NTRK2: variants seen among roughly 807,000 people sequenced by gnomAD.
NTRK2 encodes the protein neurotrophic receptor tyrosine kinase 2.
NTRK2 carries 13 observed loss-of-function variants against 94.5 expected under a neutral mutation model. The observed-to-expected ratio is 0.14, with a 90% CI of 0.09 to 0.22. The LOEUF is 0.22. Ranked by LOEUF, NTRK2 falls within the 10% of genes least tolerant of loss-of-function variation. NTRK2 has a pLI of 1.00. For missense variants in NTRK2, 639 were observed against 1,071.2 expected (o/e 0.60, Z 5.63); for synonymous variants, 372 against 407.4 (o/e 0.91, Z 1.05).
chr9:84,670,082 C>G (rs1195362198), intron 1 of NTRK2, among the ~76,000 whole-genome samples, 194 bp downstream of exon 1: 1 of 152,066 alleles, frequency 6.6e-6, no homozygotes, highest in Non-Finnish European at 1.5e-5. Context: ...CTCCGCATTC[C>G]CCTTTAAAGG....
chr9:84,840,057 A>T (rs1432489486), intron 12 of NTRK2, among the ~76,000 whole-genome samples: 4 of 151,810 alleles, frequency 2.6e-5, no homozygotes, highest in Non-Finnish European at 5.9e-5. Context: ...TTTCTTAAAA[A>T]TTTAGAAATA....
chr9:84,782,052 A>ACG, intron 12 of NTRK2, among the ~76,000 whole-genome samples: 1 of 151,684 alleles, frequency 6.6e-6, no homozygotes, highest in Non-Finnish European at 1.5e-5. Context: ...ACACACACAC[A>ACG]CACACACACA....
At chr9:84,812,944 G>T (rs202153134) in intron 12 of NTRK2, 1 of 1,032,492 alleles carries the variant, frequency 9.7e-7, no homozygotes, top group Non-Finnish European at 1.2e-6. Flanking sequence ...TATAGTTCTC[G>T]TGTTCTTTTC....
chr9:84,822,302 C>T (rs1248378531), intron 12 of NTRK2, among the ~76,000 whole-genome samples: 1 of 152,124 alleles, frequency 6.6e-6, no homozygotes, highest in Non-Finnish European at 1.5e-5. Context: ...TTTCTTACTT[C>T]TATACTCAAT....
chr9:84,925,518 C>T (rs1218132999), intron 14 of NTRK2, among the ~76,000 whole-genome samples: 1 of 152,254 alleles, frequency 6.6e-6, no homozygotes, highest in East Asian at 1.9e-4. Context: ...ATCTTGTTTT[C>T]TGTCTTTCCC....
At chr9:84,718,600 G>A (rs1042247587) in intron 6 of NTRK2, among the ~76,000 whole-genome samples, 4 of 152,156 alleles carry the variant, frequency 2.6e-5, no homozygotes, top group East Asian at 1.9e-4. Flanking sequence ...GGTCATCTCC[G>A]ATCTCCAGCG....
intron 2 of NTRK2, among the ~76,000 whole-genome samples, chr9:84,683,849 C>G (rs983781506): frequency 1.3e-5 from 2 of 152,194 alleles, no homozygotes; most frequent in African/African-American, 4.8e-5. Flanking sequence ...TTGCCAGCAT[C>G]TATTGCTTCC....
chr9:84,983,599 C>A (rs1356380235), intron 17 of NTRK2, among the ~76,000 whole-genome samples: 1 of 152,156 alleles, frequency 6.6e-6, no homozygotes, highest in African/African-American at 2.4e-5. Context: ...AATTCTAAAT[C>A]TGGGATAGTG....
intron 12 of NTRK2, among the ~76,000 whole-genome samples, chr9:84,761,303 G>A (rs371929021): frequency 2.8e-4 from 43 of 152,268 alleles, no homozygotes; most frequent in African/African-American, 8.2e-4. Context: ...TGACTTAAGG[G>A]GTGAGGGTGC....
At chr9:84,873,078 C>G in intron 14 of NTRK2, 1 of 1,064,204 alleles carries the variant, frequency 9.4e-7, no homozygotes, top group Non-Finnish European at 1.1e-6. Context: ...CGGGGCCCCT[C>G]AGAGTTACCA....
At chr9:84,746,037 C>A (rs2064036783) in intron 11 of NTRK2, among the ~76,000 whole-genome samples, 2 of 152,116 alleles carry the variant, frequency 1.3e-5, no homozygotes, top group Non-Finnish European at 2.9e-5. Context: ...CCAAATCTGT[C>A]CATATCTCCT....
chr9:84,674,944 A>G (rs1341810522), intron 2 of NTRK2, among the ~76,000 whole-genome samples: 2 of 152,162 alleles, frequency 1.3e-5, no homozygotes, highest in Non-Finnish European at 2.9e-5. Context: ...TTCTCTGAAA[A>G]GTGATATTTC....
At chr9:84,800,453 G>A (rs146479472) in intron 12 of NTRK2, among the ~76,000 whole-genome samples, 7,120 of 152,158 alleles carry the variant, frequency 0.047, 205 homozygotes, top group East Asian at 0.14. Context: ...TGCCTGCCTC[G>A]GCCTCCCAAA....
chr9:85,016,803 A>C (rs770119822), intron 17 of NTRK2, among the ~76,000 whole-genome samples: 1 of 152,140 alleles, frequency 6.6e-6, no homozygotes, highest in African/African-American at 2.4e-5. Context: ...CCCACCACTC[A>C]CCCATTTGAC....
rs894771295 is a variant in NTRK2, at chr9:84,931,389, A to G, written c.1634-2773A>G. ...TCCACTGCACTCCAGCCTGGGCGAC[A>G]GAGCGAGACTCTGTCTCAAAAAAAA... On this transcript the variant is annotated intron_variant, in intron 14 of 18. Transcript: ENST00000277120. Among the ~76,000 whole-genome samples the G allele has an allele frequency of 4.0e-5, 6 of 150,150 alleles. No homozygotes were observed. In the Admixed American group the frequency reaches 4.0e-4, roughly 10 times the overall value.
At chr9:84,719,677 A>G (rs1266057082) in intron 6 of NTRK2, among the ~76,000 whole-genome samples, 1 of 151,974 alleles carries the variant, frequency 6.6e-6, no homozygotes, top group Non-Finnish European at 1.5e-5. Context: ...ACGGGCCTTG[A>G]CTCTGATGGT....
intron 17 of NTRK2, among the ~76,000 whole-genome samples, chr9:84,996,984 G>C (rs563980268): frequency 1.3e-5 from 2 of 152,140 alleles, no homozygotes; most frequent in African/African-American, 2.4e-5. Context: ...AGTACGGCCC[G>C]TATGCAGAGT....
chr9:84,898,389 C>A (rs1174221548), intron 14 of NTRK2, among the ~76,000 whole-genome samples: 7 of 152,170 alleles, frequency 4.6e-5, no homozygotes, highest in Admixed American at 2.6e-4. Flanking sequence ...AACAAGCAGA[C>A]CTTGTTCTTA....
intron 13 of NTRK2, among the ~76,000 whole-genome samples, chr9:84,865,636 G>T (rs371941191): frequency 6.6e-6 from 1 of 152,194 alleles, no homozygotes; most frequent in African/African-American, 2.4e-5. Flanking sequence ...TAGTAGGGGG[G>T]GTTGGAAGAA....
Sources: allele counts gnomAD v4.1 joint callset (sites outside exome capture counted in the v4.1 genomes callset), GRCh38; gene constraint gnomAD v4.1.1; transcripts MANE v1.5; gene names NCBI Gene and HGNC (gene_info 2026-07-23, HGNC 2026-07-21).